THEMIS: variants seen among roughly 807,000 people sequenced by gnomAD.
THEMIS encodes thymocyte selection associated, also known as protein THEMIS.
Under a neutral mutation model 52.6 loss-of-function variants are expected in THEMIS, and 37 were observed. That is an observed-to-expected ratio of 0.70 (90% CI 0.54 to 0.93). The LOEUF (loss-of-function observed/expected upper bound fraction) is 0.93. THEMIS is among the 40% of genes least tolerant of loss of function. THEMIS has a pLI of 0.00. For synonymous variants in THEMIS, 292 were observed against 272.7 expected (o/e 1.07, Z -0.70); for missense variants, 808 against 763.1 (o/e 1.06, Z -0.69).
chr6:127,857,389 T>C (rs1402018926), intron 1 of THEMIS, among the ~76,000 whole-genome samples: 1 of 144,598 alleles, frequency 6.9e-6, no homozygotes, highest in East Asian at 1.9e-4. Context: ...GGCACTGAGA[T>C]GTGAAAGAGC....
chr6:127,907,831 T>TTTTTA (rs138296033), intron 1 of THEMIS, among the ~76,000 whole-genome samples: 1 of 150,556 alleles, frequency 6.6e-6, no homozygotes, highest in Non-Finnish European at 1.5e-5. Flanking sequence ...TACATTCTTC[T>TTTTTA]TTTTATTTTA....
chr6:127,812,717 A>C (rs1003289435), intron 4 of THEMIS, among the ~76,000 whole-genome samples, 166 bp downstream of exon 4: 1 of 152,234 alleles, frequency 6.6e-6, no homozygotes, highest in South Asian at 2.1e-4. Context: ...ACGCTGCAAC[A>C]GCTTACACAC....
upstream of THEMIS, among the ~76,000 whole-genome samples, chr6:127,903,418 C>A (rs1181121787): frequency 4.0e-5 from 6 of 151,498 alleles, no homozygotes; most frequent in African/African-American, 1.5e-4. Flanking sequence ...AAAAAAAAAA[C>A]TAGACTGTAT....
chr6:127,717,612 G>A (rs988523484), intron 5 of THEMIS, among the ~76,000 whole-genome samples: 3 of 151,762 alleles, frequency 2.0e-5, no homozygotes, highest in Non-Finnish European at 4.4e-5. Flanking sequence ...ACTCTTGGCT[G>A]GAATAGAGTC....
At chr6:127,906,409 G>C (rs1487912529) in intron 1 of THEMIS, among the ~76,000 whole-genome samples, 4 of 151,768 alleles carry the variant, frequency 2.6e-5, no homozygotes, top group Admixed American at 1.3e-4. Context: ...CAACCTGACA[G>C]AAAAAGCAAA....
rs146875708 is a variant in THEMIS, at chr6:127,854,771, T to C, written c.250+259A>G. Among the ~76,000 whole-genome samples the C allele has an allele frequency of 6.1e-4, 93 of 151,974 alleles. 4 individuals are homozygous for C. In the East Asian group the frequency reaches 0.017, roughly 28 times the overall value. ...TTTAGCACAACTAGTGGTGTGTATA[T>C]AGTTGGAACTCACTAAATGTTTGTT... On this transcript the variant is annotated intron_variant, in intron 2 of 5. Transcript: ENST00000368248.
intron 4 of THEMIS, among the ~76,000 whole-genome samples, chr6:127,762,576 T>G (rs1776059927): frequency 6.6e-6 from 1 of 152,066 alleles, no homozygotes; most frequent in Non-Finnish European, 1.5e-5. Context: ...ACTTATTACT[T>G]CAAGGTCTTT....
intron 1 of THEMIS, among the ~76,000 whole-genome samples, chr6:127,874,897 G>C (rs534781749): frequency 6.6e-6 from 1 of 152,352 alleles, no homozygotes; most frequent in African/African-American, 2.4e-5. Flanking sequence ...CTGGGCCACA[G>C]ACTGGTGCTG....
intron 4 of THEMIS, among the ~76,000 whole-genome samples, chr6:127,733,180 T>C (rs535817582): frequency 6.6e-6 from 1 of 152,364 alleles, no homozygotes; most frequent in Admixed American, 6.5e-5. Context: ...GCCCACTTTG[T>C]CTATTGTGCT....
At chr6:127,787,175 G>C (rs1776977153) in intron 4 of THEMIS, among the ~76,000 whole-genome samples, 1 of 152,104 alleles carries the variant, frequency 6.6e-6, no homozygotes, top group African/African-American at 2.4e-5. Flanking sequence ...GTGGCAAACA[G>C]GAAGCAAGAT....
At chr6:127,770,474 G>A (rs1317104855) in intron 4 of THEMIS, among the ~76,000 whole-genome samples, 2 of 151,994 alleles carry the variant, frequency 1.3e-5, no homozygotes, top group African/African-American at 4.8e-5. Flanking sequence ...GGGGTTGTTT[G>A]ATTTTTTTCC....
intron 1 of THEMIS, among the ~76,000 whole-genome samples, chr6:127,899,903 TTA>T (rs111727278): frequency 0.045 from 6,548 of 144,436 alleles, 370 homozygotes; most frequent in African/African-American, 0.13. Context: ...TGTGTATATT[TTA>T]TATATATATA....
rs76129002 is a variant in THEMIS at position 127,720,705 on chromosome 6, A to G, written c.1759-882T>C. Among the ~76,000 whole-genome samples, 24 of 152,146 alleles carry G rather than the reference A, an allele frequency of 1.6e-4. No individual in the cohort carries two copies. The East Asian group carries it at 4.5e-3, about 28-fold the overall frequency. ...TCCTGTAGACCATATATTGCATGAAATTCATTAAAAGCTTGATTTTATAAA... is the reference window on the plus strand; with the variant it reads ...TCCTGTAGACCATATATTGCATGAAGTTCATTAAAAGCTTGATTTTATAAA... On this transcript the variant is annotated intron_variant, in intron 4 of 5. Transcript: ENST00000368248.
chr6:127,799,386 G>A (rs916111262), intron 4 of THEMIS, among the ~76,000 whole-genome samples: 1 of 152,136 alleles, frequency 6.6e-6, no homozygotes, highest in Admixed American at 6.6e-5. Flanking sequence ...GAATCTACAG[G>A]ATTTGATGAT....
intron 1 of THEMIS, among the ~76,000 whole-genome samples, chr6:127,907,881 C>T (rs2114522707): frequency 6.6e-6 from 1 of 152,024 alleles, no homozygotes; most frequent in South Asian, 2.1e-4. Context: ...TGCTCTGTTG[C>T]AGCACCCAGC....
chr6:127,861,549 C>A (rs1306985350), intron 1 of THEMIS, among the ~76,000 whole-genome samples: 2 of 151,828 alleles, frequency 1.3e-5, no homozygotes, highest in African/African-American at 4.8e-5. Flanking sequence ...TTTGGGAGGC[C>A]AAGGTGGGTG....
At chr6:127,862,375 C>T (rs1779830553) in intron 1 of THEMIS, among the ~76,000 whole-genome samples, 1 of 148,938 alleles carries the variant, frequency 6.7e-6, no homozygotes, top group South Asian at 2.1e-4. Context: ...AGTTGCTGGA[C>T]CTATACAGCT....
chr6:127,886,602 C>T (rs1780652496), intron 1 of THEMIS, among the ~76,000 whole-genome samples: 1 of 152,074 alleles, frequency 6.6e-6, no homozygotes, highest in Non-Finnish European at 1.5e-5. Context: ...GACTGAGTAG[C>T]TGAGGTCAGT....
chr6:127,878,002 G>A (rs530164559), intron 1 of THEMIS, among the ~76,000 whole-genome samples: 54 of 152,294 alleles, frequency 3.5e-4, no homozygotes, highest in African/African-American at 1.3e-3. Context: ...ACCCAGGGTG[G>A]CTACACAACA....
Sources: gnomAD v4.1 joint callset for allele counts (sites outside exome capture counted in the v4.1 genomes callset) on GRCh38, gnomAD v4.1.1 for gene constraint, MANE v1.5 for transcripts, NCBI Gene and HGNC (gene_info 2026-07-23, HGNC 2026-07-21) for gene names.